The following AASS variants were observed in gnomAD, a reference collection of about 807,000 sequenced individuals.
The protein encoded by AASS is alpha-aminoadipic semialdehyde synthase, mitochondrial.
AASS carries 86 observed loss-of-function variants against 105.4 expected under a neutral mutation model. The ratio of observed to expected loss-of-function variants is 0.82; its 90% confidence interval spans 0.69 to 0.98. The LOEUF is 0.98. AASS is among the 50% of genes least tolerant of loss of function. The pLI is 0.00. For missense variants in AASS, 1,048 were observed against 1,143.2 expected, an observed-to-expected ratio of 0.92 and a Z score of 1.20; for synonymous variants, 381 against 394.8, an observed-to-expected ratio of 0.96 and a Z score of 0.41.
chr7:122,101,608 G>T lies in AASS; in HGVS notation c.1338+13C>A, dbSNP rs73442839. 1,261 of 1,603,728 alleles carry T rather than the reference G, an allele frequency of 7.9e-4. 9 individuals carry two copies. The African/African-American group carries it at 0.015, about 19-fold the overall frequency. On this transcript the variant is annotated intron_variant, in intron 12 of 23. Transcript: ENST00000417368. ...AAATACATTTATGAAAAAATATTCT[G>T]CTCATAACTTACATCTCTCACCACA...
At chr7:122,113,373 C>A in intron 10 of AASS, 144 bp from the exon 11 acceptor site, 5 of 1,000,884 alleles carry the variant, frequency 5.0e-6, no homozygotes, top group Non-Finnish European at 7.5e-6. Flanking sequence ...CAAAACTTTT[C>A]AAACAAAACG....
intron 18 of AASS, among the ~76,000 whole-genome samples, chr7:122,087,606 C>T (rs1793688753): frequency 6.6e-6 from 1 of 152,074 alleles, no homozygotes; most frequent in Non-Finnish European, 1.5e-5. Flanking sequence ...CCTGTAATCC[C>T]AGCTACTTCA....
chr7:122,114,503 T>C (rs190710406), intron 9 of AASS, among the ~76,000 whole-genome samples: 1 of 152,312 alleles, frequency 6.6e-6, no homozygotes, highest in East Asian at 1.9e-4. Context: ...GCCTATTATA[T>C]ATCAGGCAAC....
At chr7:122,083,933 C>G (rs1793500622) in intron 19 of AASS, among the ~76,000 whole-genome samples, 3 of 152,108 alleles carry the variant, frequency 2.0e-5, no homozygotes, top group African/African-American at 7.2e-5. Context: ...ATTACGAACA[C>G]TGTGATATCT....
At chr7:122,126,737 C>G (rs761254457) in intron 3 of AASS, among the ~76,000 whole-genome samples, 1 of 152,060 alleles carries the variant, frequency 6.6e-6, no homozygotes, top group Admixed American at 6.6e-5. Context: ...TTTCCTTTAC[C>G]TTTCTGCCCC....
In AASS at chr7:122,111,931, T is replaced by C. The variant is rs279672; in HGVS notation, c.1278+1187A>G. 4.6e-3 allele frequency among the ~76,000 whole-genome samples: 701 copies of C among 152,068 alleles called. 3 individuals carry two copies. Among genetic ancestry groups the C allele is most frequent in the African/African-American group, 0.016 (667 of 41,524 alleles). On this transcript the variant is annotated intron_variant, in intron 11 of 23. Coordinates refer to ENST00000417368, the MANE Select transcript of AASS (RefSeq NM_005763.4). The stretch of plus-strand genomic sequence containing the variant: ...AAAAATAAAATAAAATAAAATAAGA[T>C]TATGTATTCATTACAACCACCTCAT...
Position 122,077,727 on chromosome 7 carries a change from A to G in AASS, c.2662+111T>C, listed in dbSNP as rs565209129. On this transcript the variant is annotated intron_variant, in intron 23 of 23. Transcript: ENST00000417368. ...GCGCTTGGATCTTCTAAGATGGTTC[A>G]CTTTTAGTAAATGCCTGTGTTACGC... is the stretch of plus-strand genomic sequence containing the variant. 7.3e-6 allele frequency: 10 copies of G among 1,369,056 alleles called. No individual in the cohort carries two copies. The East Asian group carries it at 1.6e-4, about 22-fold the overall frequency. 84.8% of individuals were successfully genotyped at this position (1,369,056 alleles called of 1,614,324 possible).
At chr7:122,108,717 T>C (rs768870877) in intron 11 of AASS, among the ~76,000 whole-genome samples, 2 of 152,024 alleles carry the variant, frequency 1.3e-5, no homozygotes, top group Non-Finnish European at 2.9e-5. Flanking sequence ...GCTAACATCA[T>C]ACTGATCATG....
At chr7:122,137,525 G>T (rs1325432300) in intron 1 of AASS, among the ~76,000 whole-genome samples, 1 of 152,012 alleles carries the variant, frequency 6.6e-6, no homozygotes, top group Non-Finnish European at 1.5e-5. Context: ...TCATTCCTGA[G>T]TACCTGCCAA....
rs1304761047 is a variant in AASS, at chr7:122,075,136, AGT to A, written c.*1351_*1352del. Reference sequence around the variant, plus strand: ...CAGTCTTTCTGCCTCAGACTCCCAAAGTGTTGGGATTACAGGCACAAGCCACC... The same window carrying A: ...CAGTCTTTCTGCCTCAGACTCCCAAAGTTGGGATTACAGGCACAAGCCACC... On this transcript the variant is annotated 3_prime_UTR_variant, in exon 24 of 24. Coordinates refer to ENST00000417368, the MANE Select transcript of AASS (RefSeq NM_005763.4). Among the ~76,000 whole-genome samples the A allele has an allele frequency of 1.3e-5, 2 of 152,124 alleles. No homozygotes were observed. The highest frequency in any genetic ancestry group is 1.3e-4 in the Admixed American group (2 of 15,270).
intron 11 of AASS, among the ~76,000 whole-genome samples, chr7:122,107,766 G>C (rs1159910719): frequency 6.6e-6 from 1 of 151,946 alleles, no homozygotes; most frequent in East Asian, 1.9e-4. Context: ...AGGGAGAGGA[G>C]CACAAAAAAT....
At chr7:122,103,909 A>G (rs1794545766) in intron 11 of AASS, among the ~76,000 whole-genome samples, 1 of 152,124 alleles carries the variant, frequency 6.6e-6, no homozygotes, top group African/African-American at 2.4e-5. Flanking sequence ...TAACTATAAG[A>G]CATTTTATGT....
intron 22 of AASS, among the ~76,000 whole-genome samples, chr7:122,078,627 C>CTAAA (rs1209752269): frequency 3.9e-4 from 60 of 152,172 alleles, no homozygotes; most frequent in African/African-American, 1.3e-3. Context: ...AACTAACTAA[C>CTAAA]TAACTAAATA....
chr7:122,079,339 CA>C (rs1160186526), intron 21 of AASS: 2 of 1,367,880 alleles, frequency 1.5e-6, no homozygotes, highest in African/African-American at 2.9e-5. Context: ...TACAGGAAAG[CA>C]AAAATACCCC....
chr7:122,119,468 A>C (rs541706182), intron 4 of AASS, among the ~76,000 whole-genome samples: 33 of 152,262 alleles, frequency 2.2e-4, no homozygotes, highest in Non-Finnish European at 3.2e-4. Context: ...CAGAAAGCTA[A>C]AATTCAGCAT....
chr7:122,102,235 A>C (rs1794465041), intron 11 of AASS, among the ~76,000 whole-genome samples: 1 of 151,946 alleles, frequency 6.6e-6, no homozygotes. Flanking sequence ...AAAGTCATTC[A>C]CACCCTCTTC....
intron 19 of AASS, among the ~76,000 whole-genome samples, chr7:122,083,060 A>AAG (rs1036753351): frequency 1.3e-5 from 2 of 151,754 alleles, no homozygotes; most frequent in Admixed American, 1.3e-4. Context: ...GAGAGAAGAA[A>AAG]AGAGAGAGAG....
At chr7:122,130,490 A>T (rs941275466) in intron 2 of AASS, among the ~76,000 whole-genome samples, 1 of 152,062 alleles carries the variant, frequency 6.6e-6, no homozygotes, top group African/African-American at 2.4e-5. Flanking sequence ...AGCTCTTTGC[A>T]TGAATTATCT....
chr7:122,097,810 C>T (rs1794236172), intron 15 of AASS, among the ~76,000 whole-genome samples: 1 of 151,994 alleles, frequency 6.6e-6, no homozygotes, highest in Admixed American at 6.6e-5. Flanking sequence ...TTATGACCTG[C>T]AATCCCACTT....
Sources: gnomAD v4.1 joint callset for allele counts (sites outside exome capture counted in the v4.1 genomes callset) on GRCh38, gnomAD v4.1.1 for gene constraint, MANE v1.5 for transcripts, NCBI Gene and HGNC (gene_info 2026-07-23, HGNC 2026-07-21) for gene names.